Variants in USP3 observed in about 807,000 individuals in gnomAD.
USP3 encodes ubiquitin carboxyl-terminal hydrolase 3.
A neutral mutation model predicts 72.3 loss-of-function variants in USP3; 20 were observed. The observed-to-expected ratio is 0.28, with a 90% CI of 0.19 to 0.40. The LOEUF is 0.40. USP3 is among the 10% of genes least tolerant of loss of function. The pLI, the probability that USP3 is intolerant of heterozygous loss-of-function variation, is 1.00. For missense variants in USP3, 479 were observed against 633.9 expected (o/e 0.76, Z 2.62); for synonymous variants, 222 against 225.3 (o/e 0.99, Z 0.13).
intron 4 of USP3, among the ~76,000 whole-genome samples, chr15:63,554,041 T>A (rs1366963573): frequency 6.6e-6 from 1 of 152,180 alleles, no homozygotes; most frequent in African/African-American, 2.4e-5. Context: ...CAAGAGCCTC[T>A]TTAAAAAATA....
At chr15:63,552,456 G>C (rs894813886) in intron 3 of USP3, among the ~76,000 whole-genome samples, 6 of 152,140 alleles carry the variant, frequency 3.9e-5, no homozygotes, top group Non-Finnish European at 5.9e-5. Flanking sequence ...GTAGTACTTT[G>C]ATAATAGAAA....
chr15:63,585,570 C>T (rs184039561), intron 11 of USP3, among the ~76,000 whole-genome samples: 36 of 152,106 alleles, frequency 2.4e-4, no homozygotes, highest in African/African-American at 7.7e-4. Context: ...ATTTTGTATC[C>T]TGTCTTTTCA....
intron 14 of USP3, among the ~76,000 whole-genome samples, chr15:63,590,085 T>A (rs1404389734): frequency 6.6e-6 from 1 of 152,264 alleles, no homozygotes; most frequent in Non-Finnish European, 1.5e-5. Context: ...AAAATGTGAT[T>A]TTGTAGGCGT....
At chr15:63,547,451 C>T (rs997003703) in intron 3 of USP3, among the ~76,000 whole-genome samples, 3 of 151,878 alleles carry the variant, frequency 2.0e-5, no homozygotes, top group Non-Finnish European at 4.4e-5. Context: ...GAGTTATGGC[C>T]GGGCATAGTG....
rs773038399 is a variant in USP3, at chr15:63,530,730, G to A, written c.92-1917G>A. On this transcript the variant is annotated intron_variant, in intron 1 of 14. Transcript: ENST00000380324. The stretch of plus-strand genomic sequence containing the variant: ...ATGAATAGCTGTTCAAGTAAGCTGT[G>A]TACTAGTTTACTTTTTATTTTGTAA... 2.1e-4 allele frequency: 68 copies of A among 319,062 alleles called. 1 individual carries two copies. The highest frequency in any genetic ancestry group is 3.8e-4 in the Non-Finnish European group (62 of 162,610). The allele number at this position is 319,062 out of a possible 1,614,324, so 19.8% of individuals were successfully genotyped here.
chr15:63,550,657 A>C (rs1206159287), intron 3 of USP3, among the ~76,000 whole-genome samples: 4 of 152,234 alleles, frequency 2.6e-5, no homozygotes, highest in Non-Finnish European at 4.4e-5. Context: ...AATACTTGTA[A>C]CTTTTCAAAT....
chr15:63,565,559 G>A (rs560674230), intron 8 of USP3, among the ~76,000 whole-genome samples: 1 of 152,248 alleles, frequency 6.6e-6, no homozygotes, highest in Non-Finnish European at 1.5e-5. Flanking sequence ...CATTCATTCT[G>A]TTTTCTGGAA....
At chr15:63,535,437 A>G (rs188503215) in intron 2 of USP3, among the ~76,000 whole-genome samples, 1 of 152,234 alleles carries the variant, frequency 6.6e-6, no homozygotes, top group South Asian at 2.1e-4. Context: ...AACCCATGAG[A>G]CACAAAGTAC....
At chr15:63,578,625 A>AT (rs1434212267) in intron 11 of USP3, among the ~76,000 whole-genome samples, 8 of 151,630 alleles carry the variant, frequency 5.3e-5, no homozygotes, top group Non-Finnish European at 7.4e-5. Flanking sequence ...AAAAAAAAAA[A>AT]AAAGAAGAAA....
Position 63,594,009 on chromosome 15 carries a change from T to C in USP3, c.*3183T>C, listed in dbSNP as rs570415614. The C allele has an allele frequency of 2.0e-5, 3 of 152,270 alleles. No individual in the cohort carries two copies. The highest frequency in any genetic ancestry group is 1.9e-4 in the East Asian group (1 of 5,204). 9.4% of individuals were successfully genotyped at this position (152,270 alleles called of 1,614,324 possible). A position where few individuals can be genotyped will look rare whatever the true frequency, so the allele number is the denominator to read the frequency against. On this transcript the variant is annotated 3_prime_UTR_variant, in exon 15 of 15. Transcript: ENST00000380324. ...CTGTATTCTACTCAGTGTATAGTGA[T>C]GACAGATGTACTAGAATTAAACCAG...
Position 63,570,482 on chromosome 15 carries a change from C to A in USP3, c.811C>A (p.His271Asn). The A allele has an allele frequency of 6.2e-7, 1 of 1,614,230 alleles. No individual in the cohort carries two copies. Residue 271 changes from histidine (H) to asparagine (N), a missense_variant, in exon 9 of 15, where the codon CAC becomes AAC. By Grantham distance (68) the His-to-Asn change is moderately conservative. Coordinates refer to ENST00000380324, the MANE Select transcript of USP3 (RefSeq NM_006537.4). The surrounding 1 kb of genome is among the most constrained non-coding windows in gnomAD (Gnocchi z 4.4). ...TGAATTCATGCGCTACCTTTTGGACCACCTACACTTGGAACTTCAGGGCGG... is the reference window on the plus strand; with the variant it reads ...TGAATTCATGCGCTACCTTTTGGACAACCTACACTTGGAACTTCAGGGCGG... ...AHEFMRYLLD[H>N]LHLELQGGFN...
intron 8 of USP3, among the ~76,000 whole-genome samples, chr15:63,568,501 G>A (rs8031233): frequency 0.12 from 17,978 of 152,094 alleles, 1,118 homozygotes; most frequent in Middle Eastern, 0.14. Context: ...TTGCTGAAAT[G>A]TGTATACAAA....
At chr15:63,554,122 T>C (rs1205728004) in intron 4 of USP3, among the ~76,000 whole-genome samples, 1 of 152,130 alleles carries the variant, frequency 6.6e-6, no homozygotes, top group Non-Finnish European at 1.5e-5. Context: ...AGGTGTGAAA[T>C]CATCATAGAG....
chr15:63,527,489 G>A (rs951734285), intron 1 of USP3, among the ~76,000 whole-genome samples: 8 of 152,176 alleles, frequency 5.3e-5, no homozygotes, highest in African/African-American at 1.4e-4. Flanking sequence ...ATGAAGTTGT[G>A]TCATAAGCGG....
At chr15:63,505,312 G>A (rs1649718700) in intron 1 of USP3, among the ~76,000 whole-genome samples, 1 of 152,200 alleles carries the variant, frequency 6.6e-6, no homozygotes, top group South Asian at 2.1e-4. Flanking sequence ...GGGCTGCGGG[G>A]CGCGCGGGGC....
At chr15:63,589,684 CT>C (rs1566922085) in intron 14 of USP3, among the ~76,000 whole-genome samples, 1 of 152,100 alleles carries the variant, frequency 6.6e-6, no homozygotes, top group Non-Finnish European at 1.5e-5. Flanking sequence ...GCTCATGAAA[CT>C]CTCTATACTG....
chr15:63,548,850 C>A (rs954523160), intron 3 of USP3, among the ~76,000 whole-genome samples: 1 of 152,058 alleles, frequency 6.6e-6, no homozygotes, highest in Non-Finnish European at 1.5e-5. Flanking sequence ...CATGCCACCA[C>A]GCCCGACTAT....
Position 63,589,126 on chromosome 15 carries a change from G to C in USP3, c.1397+115G>C. 8 of 1,242,530 alleles carry C rather than the reference G, an allele frequency of 6.4e-6. 1 individual carries two copies. The highest frequency in any genetic ancestry group is 9.3e-6 in the Non-Finnish European group (8 of 862,028). The allele number at this position is 1,242,530 out of a possible 1,614,324, so 77.0% of individuals were successfully genotyped here. A position where few individuals can be genotyped will look rare whatever the true frequency, so the allele number is the denominator to read the frequency against. ...CTAAAAAATGGATTCAGATAAAGTA[G>C]GTGAAATTTCCTTCAGTTTTGGTGC... On this transcript the variant is annotated intron_variant, in intron 14 of 14. Coordinates refer to ENST00000380324, the MANE Select transcript of USP3 (RefSeq NM_006537.4).
At position 63,553,662 on chromosome 15, in the gene USP3, T is replaced by G; in HGVS notation, c.285-53T>G. ...CAGCCAGACCTTTTAGTGATTTCAT[T>G]ACTGTGGTTTCCTCAAGCTCTTTAC... is the stretch of plus-strand genomic sequence containing the variant. On this transcript the variant is annotated intron_variant, in intron 3 of 14. Coordinates refer to ENST00000380324, the MANE Select transcript of USP3 (RefSeq NM_006537.4). The surrounding 1 kb of genome is among the most constrained non-coding windows in gnomAD (Gnocchi z 4.2). 6.5e-7 allele frequency: 1 copy of G among 1,546,458 alleles called. No individual in the cohort carries two copies. Among genetic ancestry groups the G allele is most frequent in the South Asian group, 1.2e-5 (1 of 85,156 alleles).
Sources: allele counts gnomAD v4.1 joint callset (sites outside exome capture counted in the v4.1 genomes callset), GRCh38; gene constraint gnomAD v4.1.1; non-coding constraint Gnocchi (gnomAD v3.1); transcripts MANE v1.5; gene names NCBI Gene and HGNC (gene_info 2026-07-23, HGNC 2026-07-21).